Variants in ORAI2 observed in about 807,000 individuals in gnomAD.
The protein encoded by ORAI2 is ORAI calcium release-activated calcium modulator 2.
Under a neutral mutation model 16.2 loss-of-function variants are expected in ORAI2, and 10 were observed. The ratio of observed to expected loss-of-function variants is 0.62; its 90% CI spans 0.38 to 1.04. The LOEUF (loss-of-function observed/expected upper bound fraction) is 1.04, where lower values mean the gene tolerates loss of function less well. Ranked by LOEUF, ORAI2 falls within the 50% of genes least tolerant of loss-of-function variation. The pLI is 0.01. For missense variants in ORAI2, 238 were observed against 355.5 expected (o/e 0.67, Z 2.66); for synonymous variants, 150 against 157.5 (o/e 0.95, Z 0.35).
At position 102,438,922 on chromosome 7, in the gene ORAI2, C is replaced by G. The variant is rs777410731; in HGVS notation, c.-13-22C>G. The stretch of plus-strand genomic sequence containing the variant: ...GCCGCAGTAACCTAGGATGTCTGAG[C>G]ATGTCTCTCTCCCACCCTTAGCCTG... On this transcript the variant is annotated intron_variant, in intron 2 of 3. Transcript: ENST00000495936. The G allele has an allele frequency of 1.4e-5, 22 of 1,606,026 alleles. No individual in the cohort carries two copies. In the Admixed American group the frequency reaches 3.7e-4, roughly 27 times the overall value.
rs767396764 is a variant in ORAI2 at position 102,438,993 on chromosome 7, G to A, written c.37G>A (p.Ala13Thr). ...GCTTAACGTGCCTATCGACCCCTCT[G>A]CTCCTGCCTGCCCTGAGCCCGGCCA... ...AELNVPIDPS[A>T]PACPEPGHKG... The change falls in exon 3 of 4, where the codon GCT becomes ACT. Residue 13 changes from alanine (A) to threonine (T), a missense_variant. Physicochemically the swap from Ala to Thr is moderately conservative, Grantham distance 58. Transcript: ENST00000495936. 6.2e-7 allele frequency: 1 copy of A among 1,613,920 alleles called. No homozygotes were observed. The highest frequency in any genetic ancestry group is 8.5e-7 in the Non-Finnish European group (1 of 1,180,020).
chr7:102,444,664 TC>T (rs1377773610), intron 3 of ORAI2, among the ~76,000 whole-genome samples: 2 of 84,368 alleles, frequency 2.4e-5, no homozygotes, highest in East Asian at 3.8e-4. Flanking sequence ...CCAGGCTTCT[TC>T]TTTTTTTTTT....
chr7:102,444,692 G>A (rs1797297984), intron 3 of ORAI2, among the ~76,000 whole-genome samples: 1 of 110,760 alleles, frequency 9.0e-6, no homozygotes, highest in South Asian at 3.0e-4. Flanking sequence ...TTGAGACAAA[G>A]TCCTGCTCTG....
chr7:102,443,117 TTCTTCTTCTTCTTC>T (rs991248197), intron 3 of ORAI2, among the ~76,000 whole-genome samples: 1 of 89,340 alleles, frequency 1.1e-5, no homozygotes, highest in Non-Finnish European at 2.6e-5. Context: ...CTTCTTCTTC[TTCTTCTTCTTCTTC>T]TTTTTTTTTT....
chr7:102,443,009 G>T (rs1295374981), intron 3 of ORAI2, among the ~76,000 whole-genome samples: 1 of 149,298 alleles, frequency 6.7e-6, no homozygotes, highest in Non-Finnish European at 1.5e-5. Context: ...AACAGAGCAA[G>T]ACTCTGTCTC....
intron 3 of ORAI2, among the ~76,000 whole-genome samples, chr7:102,445,132 G>A (rs540427879): frequency 1.7e-4 from 26 of 152,174 alleles, no homozygotes; most frequent in Non-Finnish European, 2.1e-4. Flanking sequence ...CCTCACTTCC[G>A]TCACCTTTCC....
At chr7:102,440,223 G>A (rs1797159223) in intron 3 of ORAI2, among the ~76,000 whole-genome samples, 1 of 152,188 alleles carries the variant, frequency 6.6e-6, no homozygotes, top group African/African-American at 2.4e-5. Context: ...TCTGAGCAGG[G>A]CCTCAGAGAT....
rs1797382867 is a variant in ORAI2 at position 102,446,850 on chromosome 7, C to A, written c.563C>A (p.Pro188His). 6.2e-7 allele frequency: 1 copy of A among 1,613,702 alleles called. No homozygotes were observed. The highest frequency in any genetic ancestry group is 8.5e-7 in the Non-Finnish European group (1 of 1,180,004). ...CGCCAGCCTGGCCCCCCACCTGGCC[C>A]TGGGAGTCACACGGGCTGGCAGGCC... ...ARRQPGPPPG[P>H]GSHTGWQAAL... Residue 188 changes from proline (P) to histidine (H), a missense_variant, in exon 4 of 4, where the codon CCT (proline) becomes CAT (histidine). Pro to His is a moderately conservative substitution (Grantham distance 77). Transcript: ENST00000495936.
At chr7:102,441,538 C>CAA (rs1339250821) in intron 3 of ORAI2, among the ~76,000 whole-genome samples, 2 of 59,256 alleles carry the variant, frequency 3.4e-5, no homozygotes. Flanking sequence ...GACTGCATCT[C>CAA]AAAAAAAAAA....
chr7:102,437,496 T>A (rs1209952593), intron 2 of ORAI2, among the ~76,000 whole-genome samples: 1 of 151,998 alleles, frequency 6.6e-6, no homozygotes, highest in African/African-American at 2.4e-5. Context: ...ATGCCTGTAA[T>A]CCCAGCTACT....
intron 3 of ORAI2, among the ~76,000 whole-genome samples, chr7:102,443,297 C>G (rs888360270): frequency 1.5e-5 from 2 of 135,180 alleles, no homozygotes; most frequent in Non-Finnish European, 3.1e-5. Flanking sequence ...TTTTTTGAGA[C>G]GGAATCTTGC....
Position 102,440,608 on chromosome 7 carries a change from C to T in ORAI2, c.225+1427C>T, listed in dbSNP as rs1797172802. On this transcript the variant is annotated intron_variant, in intron 3 of 3. Transcript: ENST00000495936. ...AGAGGGCGGTGGTGTGATCATGGCTCACTGCAGCCTCTACCTCCTGAGCTC... is the reference window on the plus strand; with the variant it reads ...AGAGGGCGGTGGTGTGATCATGGCTTACTGCAGCCTCTACCTCCTGAGCTC... Among the ~76,000 whole-genome samples the T allele has an allele frequency of 2.6e-5, 4 of 152,182 alleles. No homozygotes were observed. In the South Asian group the frequency reaches 8.3e-4, roughly 31 times the overall value.
At position 102,447,405 on chromosome 7, in the gene ORAI2, G is replaced by A. The variant is rs531965690; in HGVS notation, c.*353G>A. 5.5e-5 allele frequency: 14 copies of A among 256,026 alleles called. No individual in the cohort carries two copies. The highest frequency in any genetic ancestry group is 9.9e-5 in the Admixed American group (2 of 20,112). The allele number at this position is 256,026 out of a possible 1,614,324, so 15.9% of individuals were successfully genotyped here. ...CGGGGGAGTCTCAGACCCGGCATGC[G>A]TGGCTGGCAGACCTGGGAGAGCCAG... On this transcript the variant is annotated 3_prime_UTR_variant, in exon 4 of 4. Transcript: ENST00000495936.
rs1393908180 is a variant in ORAI2 at position 102,448,741 on chromosome 7, G to A, written c.*1689G>A. On this transcript the variant is annotated 3_prime_UTR_variant, in exon 4 of 4. Coordinates refer to ENST00000495936, the MANE Select transcript of ORAI2 (RefSeq NM_001126340.3). ...CAAAAAAAAAAAAAAAATTAGCCGG[G>A]CGTGATGGCGGGCACCTGTAGTCCC... 2 of 151,694 alleles carry A rather than the reference G, an allele frequency of 1.3e-5. No homozygotes were observed. Among genetic ancestry groups the A allele is most frequent in the African/African-American group, 4.9e-5 (2 of 41,232 alleles). 9.4% of individuals were successfully genotyped at this position (151,694 alleles called of 1,614,324 possible). A position where few individuals can be genotyped will look rare whatever the true frequency, so the allele number is the denominator to read the frequency against.
Position 102,447,217 on chromosome 7 carries a change from GT to G in ORAI2, c.*168del, listed in dbSNP as rs1413839517. ...GGATGACTTCTCCTGAGATAGAACC[GT>G]TTGGTTCAATGAGGGACTGTGTTGC... On this transcript the variant is annotated 3_prime_UTR_variant, in exon 4 of 4. Transcript: ENST00000495936. The G allele has an allele frequency of 2.3e-5, 19 of 813,344 alleles. No homozygotes were observed. The East Asian group carries it at 4.9e-4, about 21-fold the overall frequency. 50.4% of individuals were successfully genotyped at this position (813,344 alleles called of 1,614,324 possible).
At chr7:102,440,575 CA>C (rs1192839531) in intron 3 of ORAI2, among the ~76,000 whole-genome samples, 2 of 152,130 alleles carry the variant, frequency 1.3e-5, no homozygotes, top group Non-Finnish European at 2.9e-5. Flanking sequence ...CTCTGTTGCC[CA>C]GGCTGGAGAG....
rs746916721 is a variant in ORAI2, at chr7:102,447,077, C to T, written c.*25C>T. 3.4e-5 allele frequency: 51 copies of T among 1,500,212 alleles called. No individual in the cohort carries two copies. Among genetic ancestry groups the T allele is most frequent in the Admixed American group, 2.6e-4 (12 of 45,576 alleles). The allele number at this position is 1,500,212 out of a possible 1,614,324, so 92.9% of individuals were successfully genotyped here. A position where few individuals can be genotyped will look rare whatever the true frequency, so the allele number is the denominator to read the frequency against. ...AGGGGCCGAGGGCCGGGGCTGGGAG[C>T]GGCCCTGTGCCCGGGAGTCCGCAGA... is the stretch of plus-strand genomic sequence containing the variant. On this transcript the variant is annotated 3_prime_UTR_variant, in exon 4 of 4. Transcript: ENST00000495936.
rs1797615898 is a variant in ORAI2, at chr7:102,455,201, A to G, written c.*8149A>G. Reference sequence around the variant, plus strand: ...TGCCCCGCCGCCTGAAAGAAAGAAAAAAGAAAGAGAAAGGAAGAGAAAGAA... The same window carrying G: ...TGCCCCGCCGCCTGAAAGAAAGAAAGAAGAAAGAGAAAGGAAGAGAAAGAA... On this transcript the variant is annotated 3_prime_UTR_variant, in exon 4 of 4. Transcript: ENST00000495936. The G allele has an allele frequency of 6.6e-6, 1 of 152,516 alleles. No individual in the cohort carries two copies. The highest frequency in any genetic ancestry group is 2.4e-5 in the African/African-American group (1 of 41,404). The allele number at this position is 152,516 out of a possible 1,614,324, so 9.4% of individuals were successfully genotyped here.
rs776663542 is a variant in ORAI2, at chr7:102,446,660, G to A, written c.373G>A (p.Val125Met). The A allele has an allele frequency of 8.7e-6, 14 of 1,614,034 alleles. No individual in the cohort carries two copies. Among genetic ancestry groups the A allele is most frequent in the Admixed American group, 5.0e-5 (3 of 60,014 alleles). Residue 125 changes from valine (V) to methionine (M), a missense_variant, in exon 4 of 4, where the codon GTG (valine) becomes ATG (methionine). By Grantham distance (21) the Val-to-Met change is conservative. Coordinates refer to ENST00000495936, the MANE Select transcript of ORAI2 (RefSeq NM_001126340.3). ...STCILPNVEA[V>M]SNIHNLNSIS... ...CTGCATCCTGCCCAATGTGGAGGCC[G>A]TGAGCAACATCCACAACCTGAACTC...
Sources: gnomAD v4.1 joint callset for allele counts (sites outside exome capture counted in the v4.1 genomes callset) on GRCh38, gnomAD v4.1.1 for gene constraint, MANE v1.5 for transcripts, NCBI Gene and HGNC (gene_info 2026-07-23, HGNC 2026-07-21) for gene names.